Variants in AKAIN1 observed in about 807,000 individuals in gnomAD.
AKAIN1 encodes A-kinase anchor inhibitor 1, also known as A-kinase anchor protein inhibitor 1.
A neutral mutation model predicts 3.7 loss-of-function variants in AKAIN1; 3 were observed. The observed-to-expected ratio is 0.82, with a 90% CI of 0.37 to 2.12. The LOEUF (loss-of-function observed/expected upper bound fraction) is 2.12, where lower values mean the gene tolerates loss of function less well. Among genes scored for constraint, AKAIN1 ranks in the 30% most tolerant of loss-of-function variants. AKAIN1 has a pLI of 0.06. For missense variants in AKAIN1, 82 were observed against 82.7 expected, an observed-to-expected ratio of 0.99 and a Z score of 0.03; for synonymous variants, 31 against 30.8, an observed-to-expected ratio of 1.01 and a Z score of -0.02.
intron 1 of AKAIN1, among the ~76,000 whole-genome samples, chr18:5,149,133 G>C (rs1349386765): frequency 6.6e-6 from 1 of 152,152 alleles, no homozygotes; most frequent in Non-Finnish European, 1.5e-5. Context: ...AACTAGATGC[G>C]TGTTAACTCT....
intron 1 of AKAIN1, among the ~76,000 whole-genome samples, chr18:5,175,213 A>G (rs1464366411): frequency 6.6e-6 from 1 of 152,112 alleles, no homozygotes; most frequent in Non-Finnish European, 1.5e-5. Flanking sequence ...TTGTATACTC[A>G]TAAGGCCTTA....
At position 5,145,206 on chromosome 18, in the gene AKAIN1, T is replaced by C. The variant is rs952021136; in HGVS notation, c.*356A>G. 2 of 187,088 alleles carry C rather than the reference T, an allele frequency of 1.1e-5. No individual in the cohort carries two copies. Among genetic ancestry groups the C allele is most frequent in the African/African-American group, 4.7e-5 (2 of 42,862 alleles). 11.6% of individuals were successfully genotyped at this position (187,088 alleles called of 1,614,324 possible). A position where few individuals can be genotyped will look rare whatever the true frequency, so the allele number is the denominator to read the frequency against. ...GTATTCAGTATTTCAGCAAAAAGGC[T>C]GCTTGTTAAATTCACAGAAGGAACG... is the stretch of plus-strand genomic sequence containing the variant. On this transcript the variant is annotated 3_prime_UTR_variant, in exon 2 of 2. Coordinates refer to ENST00000434239, the MANE Select transcript of AKAIN1 (RefSeq NM_001145194.2).
At chr18:5,179,848 A>C (rs2071247330) in intron 1 of AKAIN1, among the ~76,000 whole-genome samples, 1 of 152,156 alleles carries the variant, frequency 6.6e-6, no homozygotes. Context: ...AAGGCACTGA[A>C]GGCCATTTCT....
At chr18:5,154,463 G>A (rs1384809743) in intron 1 of AKAIN1, among the ~76,000 whole-genome samples, 1 of 152,030 alleles carries the variant, frequency 6.6e-6, no homozygotes, top group Non-Finnish European at 1.5e-5. Flanking sequence ...TTACCCCCAA[G>A]AGACTCAGAA....
At chr18:5,179,122 G>A (rs1312615454) in intron 1 of AKAIN1, among the ~76,000 whole-genome samples, 2 of 152,138 alleles carry the variant, frequency 1.3e-5, no homozygotes, top group Non-Finnish European at 2.9e-5. Flanking sequence ...TAGTGGTGAA[G>A]TTTGGGCTTT....
At chr18:5,154,693 C>T (rs1567872148) in intron 1 of AKAIN1, among the ~76,000 whole-genome samples, 2 of 152,132 alleles carry the variant, frequency 1.3e-5, no homozygotes, top group East Asian at 2.0e-4. Context: ...CCTCGCCAAC[C>T]CCTTTAGGCT....
At chr18:5,178,922 A>C (rs984654762) in intron 1 of AKAIN1, among the ~76,000 whole-genome samples, 12 of 152,156 alleles carry the variant, frequency 7.9e-5, no homozygotes, top group African/African-American at 2.9e-4. Flanking sequence ...TCAGATAAAA[A>C]TTCTGCCCCT....
At chr18:5,153,427 A>G (rs553345397) in intron 1 of AKAIN1, among the ~76,000 whole-genome samples, 1 of 150,166 alleles carries the variant, frequency 6.7e-6, no homozygotes, top group African/African-American at 2.5e-5. Context: ...GTGTGATAAT[A>G]ATACAGGGAT....
At chr18:5,152,136 G>T (rs1050962299) in intron 1 of AKAIN1, among the ~76,000 whole-genome samples, 11 of 152,104 alleles carry the variant, frequency 7.2e-5, no homozygotes, top group Non-Finnish European at 1.6e-4. Flanking sequence ...CAGAAATATA[G>T]TTAATTAAGC....
chr18:5,167,172 T>C (rs1020141166), intron 1 of AKAIN1, among the ~76,000 whole-genome samples: 1 of 152,062 alleles, frequency 6.6e-6, no homozygotes, highest in African/African-American at 2.4e-5. Flanking sequence ...ATATGGTAAA[T>C]ATGGCAGTTC....
At chr18:5,174,782 G>C (rs755566036) in intron 1 of AKAIN1, among the ~76,000 whole-genome samples, 1 of 152,062 alleles carries the variant, frequency 6.6e-6, no homozygotes, top group Admixed American at 6.6e-5. Context: ...TGGAGTGATC[G>C]TGACATTTGT....
chr18:5,185,068 C>A (rs1194978878), intron 1 of AKAIN1, among the ~76,000 whole-genome samples: 1 of 152,078 alleles, frequency 6.6e-6, no homozygotes, highest in Non-Finnish European at 1.5e-5. Context: ...TGATCTTCAA[C>A]AAAGTTGACA....
At chr18:5,175,002 G>T (rs2143356149) in intron 1 of AKAIN1, among the ~76,000 whole-genome samples, 1 of 152,298 alleles carries the variant, frequency 6.6e-6, no homozygotes, top group East Asian at 1.9e-4. Context: ...AGCTTCAGGG[G>T]TAGGTAGCCA....
At chr18:5,174,798 A>T (rs1280906467) in intron 1 of AKAIN1, among the ~76,000 whole-genome samples, 1 of 152,166 alleles carries the variant, frequency 6.6e-6, no homozygotes, top group Non-Finnish European at 1.5e-5. Context: ...TTTGTAGAAC[A>T]GAGCAGACTC....
At chr18:5,146,696 T>A (rs1425628678) in intron 1 of AKAIN1, among the ~76,000 whole-genome samples, 1 of 152,190 alleles carries the variant, frequency 6.6e-6, no homozygotes, top group African/African-American at 2.4e-5. Flanking sequence ...TGGCAAACTT[T>A]TCTTTAAAGA....
intron 1 of AKAIN1, among the ~76,000 whole-genome samples, chr18:5,165,008 C>T (rs1385147899): frequency 6.6e-6 from 1 of 152,026 alleles, no homozygotes; most frequent in African/African-American, 2.4e-5. Flanking sequence ...TGCTACCTTT[C>T]TAGGCCATTA....
chr18:5,154,387 A>C (rs1211917912), intron 1 of AKAIN1, among the ~76,000 whole-genome samples: 1 of 151,996 alleles, frequency 6.6e-6, no homozygotes, highest in African/African-American at 2.4e-5. Flanking sequence ...AGAGAGACTT[A>C]AAAGGCTGTT....
rs536362785 is a variant in AKAIN1, at chr18:5,194,416, A to T, written c.16+2622T>A. On this transcript the variant is annotated intron_variant, in intron 1 of 1. Transcript: ENST00000434239. The stretch of plus-strand genomic sequence containing the variant: ...AAGCTGTATTCTTTACAATCTATAG[A>T]CTAACTGAAACAAAAAAATGTAAGA... Among the ~76,000 whole-genome samples the T allele has an allele frequency of 5.1e-4, 77 of 152,306 alleles. 2 individuals carry two copies. In the South Asian group the frequency reaches 0.015, roughly 30 times the overall value.
At chr18:5,163,858 G>A (rs762915022) in intron 1 of AKAIN1, 10 of 151,986 alleles carry the variant, frequency 6.6e-5, no homozygotes, top group Admixed American at 2.0e-4. Flanking sequence ...TAATATTATC[G>A]ATATGTGTGT....
Sources: gnomAD v4.1 joint callset for allele counts (sites outside exome capture counted in the v4.1 genomes callset) on GRCh38, gnomAD v4.1.1 for gene constraint, MANE v1.5 for transcripts, NCBI Gene and HGNC (gene_info 2026-07-23, HGNC 2026-07-21) for gene names.